The following P2RY1 variants were observed in gnomAD, a reference collection of about 807,000 sequenced individuals.
The protein encoded by P2RY1 is purinergic receptor P2Y1.
In P2RY1, 14 loss-of-function variants were observed where a neutral mutation model predicts 22.8. That is an observed-to-expected ratio of 0.61 (90% CI 0.41 to 0.96). The LOEUF (loss-of-function observed/expected upper bound fraction) is 0.96. P2RY1 is among the 40% of genes least tolerant of loss of function. The pLI is 0.00. For missense variants in P2RY1, 395 were observed against 470.3 expected (o/e 0.84, Z 1.48); for synonymous variants, 200 against 195.1 (o/e 1.03, Z -0.21).
At position 152,836,287 on chromosome 3, in the gene P2RY1, A is replaced by G. The variant is rs1226348649; in HGVS notation, c.505A>G (p.Ile169Val). 6.2e-7 allele frequency: 1 copy of G among 1,614,060 alleles called. No individual in the cohort carries two copies. The highest frequency in any genetic ancestry group is 8.5e-7 in the Non-Finnish European group (1 of 1,180,004). ...SLGRLKKKNAICISVLVWLIV... is the reference protein window; with the variant it reads ...SLGRLKKKNAVCISVLVWLIV... ...GGGCCGGCTCAAAAAGAAGAATGCG[A>G]TCTGTATCAGCGTGCTGGTGTGGCT... is the stretch of plus-strand genomic sequence containing the variant. Residue 169 changes from isoleucine to valine, a missense_variant, in exon 1 of 1, where the codon ATC (isoleucine) becomes GTC (valine). Physicochemically the swap from Ile to Val is conservative, Grantham distance 29. Coordinates refer to ENST00000305097, the MANE Select transcript of P2RY1 (RefSeq NM_002563.5). This position sits in a 1 kb window ranked among gnomAD's most constrained non-coding sequence, Gnocchi z 5.6.
rs995867793 is a variant in P2RY1 at position 152,837,320 on chromosome 3, G to A, written c.*416G>A. Reference sequence around the variant, plus strand: ...ATTGTTTTTTTAAAATCCACAGTAGGAATAAAAAATCTATATTCTCAGAAA... The same window carrying A: ...ATTGTTTTTTTAAAATCCACAGTAGAAATAAAAAATCTATATTCTCAGAAA... On this transcript the variant is annotated 3_prime_UTR_variant, in exon 1 of 1. Coordinates refer to ENST00000305097, the MANE Select transcript of P2RY1 (RefSeq NM_002563.5). 2 of 176,098 alleles carry A rather than the reference G, an allele frequency of 1.1e-5. No individual in the cohort carries two copies. The highest frequency in any genetic ancestry group is 4.8e-5 in the African/African-American group (2 of 41,566). The allele number at this position is 176,098 out of a possible 1,614,324, so 10.9% of individuals were successfully genotyped here. A position where few individuals can be genotyped will look rare whatever the true frequency, so the allele number is the denominator to read the frequency against.
Position 152,837,138 on chromosome 3 carries a change from C to G in P2RY1, c.*234C>G, listed in dbSNP as rs1263975573. The G allele has an allele frequency of 4.2e-6, 2 of 481,696 alleles. No homozygotes were observed. Among genetic ancestry groups the G allele is most frequent in the Non-Finnish European group, 7.5e-6 (2 of 266,810 alleles). The allele number at this position is 481,696 out of a possible 1,614,324, so 29.8% of individuals were successfully genotyped here. ...AGTATGTATAATAAAACAATACTAC[C>G]TAGTTAAACATTTACTTTCTCTTTT... On this transcript the variant is annotated 3_prime_UTR_variant, in exon 1 of 1. Coordinates refer to ENST00000305097, the MANE Select transcript of P2RY1 (RefSeq NM_002563.5).
Position 152,835,946 on chromosome 3 carries a change from C to T in P2RY1, c.164C>T (p.Pro55Leu). ...TKTGFQFYYL[P>L]AVYILVFIIG... Reference sequence around the variant, plus strand: ...ACGGGCTTCCAGTTTTACTACCTGCCGGCTGTCTACATCTTGGTATTCATC... The same window carrying T: ...ACGGGCTTCCAGTTTTACTACCTGCTGGCTGTCTACATCTTGGTATTCATC... Residue 55 changes from proline (P) to leucine (L), a missense_variant, in exon 1 of 1, where the codon CCG (proline) becomes CTG (leucine). By Grantham distance (98) the Pro-to-Leu change is moderately conservative. This residue lies in a region of P2RY1 where 98 missense variants were observed against 87.7 expected (regional missense o/e 1.12). Transcript: ENST00000305097. 1 of 1,614,194 alleles carries T rather than the reference C, an allele frequency of 6.2e-7. No individual in the cohort carries two copies. The highest frequency in any genetic ancestry group is 2.2e-5 in the East Asian group (1 of 44,878).
rs564785614 is a variant in P2RY1 at position 152,836,448 on chromosome 3, C to T, written c.666C>T (p.Thr222=). The T allele has an allele frequency of 4.3e-6, 7 of 1,614,108 alleles. No individual in the cohort carries two copies. In the Admixed American group the frequency reaches 5.0e-5, roughly 12 times the overall value. ...ATTTCATCTACAGCATGTGCACGAC[C>T]GTGGCCATGTTCTGTGTCCCCTTGG... ...RSYFIYSMCT[T]VAMFCVPLVL... Residue 222 remains threonine, a synonymous_variant, in exon 1 of 1, where the codon ACC becomes ACT. Transcript: ENST00000305097. This position sits in a 1 kb window ranked among gnomAD's most constrained non-coding sequence, Gnocchi z 5.6.
In P2RY1 at chr3:152,838,110, T is replaced by G. The variant is rs1488706642; in HGVS notation, c.*1206T>G. On this transcript the variant is annotated 3_prime_UTR_variant, in exon 1 of 1. Coordinates refer to ENST00000305097, the MANE Select transcript of P2RY1 (RefSeq NM_002563.5). The stretch of plus-strand genomic sequence containing the variant: ...TGATAGAATGGGAAGCTATAATCTT[T>G]GAATAAACCTTACATCTCAATATTT... 6.2e-6 allele frequency: 1 copy of G among 161,216 alleles called. No homozygotes were observed. The highest frequency in any genetic ancestry group is 2.4e-5 in the African/African-American group (1 of 41,452). 10.0% of individuals were successfully genotyped at this position (161,216 alleles called of 1,614,324 possible).
In P2RY1 at chr3:152,835,657, G is replaced by T. The variant is rs555812164; in HGVS notation, c.-126G>T. The T allele has an allele frequency of 3.0e-5, 28 of 941,520 alleles. No homozygotes were observed. In the African/African-American group the frequency reaches 3.8e-4, roughly 13 times the overall value. The allele number at this position is 941,520 out of a possible 1,614,324, so 58.3% of individuals were successfully genotyped here. ...CGAGCCCCTGCGCGCCCCCTCCCGC[G>T]GGGATCCAGTTCGCCTGCTCCCTTC... is the stretch of plus-strand genomic sequence containing the variant. On this transcript the variant is annotated 5_prime_UTR_variant, in exon 1 of 1. Transcript: ENST00000305097.
At position 152,839,145 on chromosome 3, in the gene P2RY1, A is replaced by T. The variant is rs1716239903; in HGVS notation, c.*2241A>T. 1 of 152,054 alleles carries T rather than the reference A, an allele frequency of 6.6e-6. No homozygotes were observed. The highest frequency in any genetic ancestry group is 2.4e-5 in the African/African-American group (1 of 41,396). 9.4% of individuals were successfully genotyped at this position (152,054 alleles called of 1,614,324 possible). A position where few individuals can be genotyped will look rare whatever the true frequency, so the allele number is the denominator to read the frequency against. On this transcript the variant is annotated 3_prime_UTR_variant, in exon 1 of 1. Transcript: ENST00000305097. ...TGAGTGTGGATCCAGTGAGGAGGTG[A>T]ACAGTAACTAGAAATGCTTGTTTAC...
Position 152,838,922 on chromosome 3 carries a change from T to C in P2RY1, c.*2018T>C, listed in dbSNP as rs185168732. The C allele has an allele frequency of 9.5e-4, 145 of 152,338 alleles. 1 individual carries two copies. Among genetic ancestry groups the C allele is most frequent in the African/African-American group, 2.7e-3 (111 of 41,584 alleles). The allele number at this position is 152,338 out of a possible 1,614,324, so 9.4% of individuals were successfully genotyped here. A position where few individuals can be genotyped will look rare whatever the true frequency, so the allele number is the denominator to read the frequency against. ...AAATATGTCATTACTTTATTGACCT[T>C]GTTAAACAAGATCAATATCATTAAA... On this transcript the variant is annotated 3_prime_UTR_variant, in exon 1 of 1. Transcript: ENST00000305097.
chr3:152,835,730 C>T lies in P2RY1; in HGVS notation c.-53C>T. ...TTGCTGCGCCCCTGGCCGCCGCTGC[C>T]CTCTCGCCGCCTCCTACCCCTCGGA... On this transcript the variant is annotated 5_prime_UTR_variant, in exon 1 of 1. Transcript: ENST00000305097. The T allele has an allele frequency of 2.7e-6, 4 of 1,497,822 alleles. No individual in the cohort carries two copies. The highest frequency in any genetic ancestry group is 1.3e-5 in the South Asian group (1 of 76,386). 92.8% of individuals were successfully genotyped at this position (1,497,822 alleles called of 1,614,324 possible).
rs914900512 is a variant in P2RY1, at chr3:152,835,619, G to C, written c.-164G>C. The C allele has an allele frequency of 1.5e-6, 1 of 672,666 alleles. No individual in the cohort carries two copies. Among genetic ancestry groups the C allele is most frequent in the Non-Finnish European group, 2.4e-6 (1 of 414,164 alleles). The allele number at this position is 672,666 out of a possible 1,614,324, so 41.7% of individuals were successfully genotyped here. ...ATGGCCCGCGGCGAACGCGGGGCCA[G>C]AGCTGGCGTGGGCGAGCCCCTGCGC... On this transcript the variant is annotated 5_prime_UTR_variant, in exon 1 of 1. Coordinates refer to ENST00000305097, the MANE Select transcript of P2RY1 (RefSeq NM_002563.5).
rs1716225441 is a variant in P2RY1, at chr3:152,838,480, G to A, written c.*1576G>A. The A allele has an allele frequency of 6.6e-6, 1 of 152,196 alleles. No homozygotes were observed. Among genetic ancestry groups the A allele is most frequent in the African/African-American group, 2.4e-5 (1 of 41,454 alleles). 9.4% of individuals were successfully genotyped at this position (152,196 alleles called of 1,614,324 possible). ...TATCCCTCATAAAGTCAACATCAGA[G>A]TTTGCAACTGATGGTGGCATAACTT... is the stretch of plus-strand genomic sequence containing the variant. On this transcript the variant is annotated 3_prime_UTR_variant, in exon 1 of 1. Coordinates refer to ENST00000305097, the MANE Select transcript of P2RY1 (RefSeq NM_002563.5).
At position 152,839,501 on chromosome 3, in the gene P2RY1, T is replaced by C. The variant is rs1266286727; in HGVS notation, c.*2597T>C. 3 of 152,200 alleles carry C rather than the reference T, an allele frequency of 2.0e-5. No individual in the cohort carries two copies. Among genetic ancestry groups the C allele is most frequent in the Non-Finnish European group, 4.4e-5 (3 of 68,024 alleles). 9.4% of individuals were successfully genotyped at this position (152,200 alleles called of 1,614,324 possible). On this transcript the variant is annotated 3_prime_UTR_variant, in exon 1 of 1. Transcript: ENST00000305097. ...ACAAAATTTCACACCACAAAAAATATTTTAATGGCAAATTCAAGGTGTTTT... is the reference window on the plus strand; with the variant it reads ...ACAAAATTTCACACCACAAAAAATACTTTAATGGCAAATTCAAGGTGTTTT...
Position 152,835,975 on chromosome 3 carries a change from G to A in P2RY1, c.193G>A (p.Gly65Ser). ...PAVYILVFIIGFLGNSVAIWM... is the reference protein window; with the variant it reads ...PAVYILVFIISFLGNSVAIWM... ...TGTCTACATCTTGGTATTCATCATC[G>A]GCTTCCTGGGCAACAGCGTGGCCAT... is the stretch of plus-strand genomic sequence containing the variant. The change falls in exon 1 of 1, where the codon GGC (glycine) becomes AGC (serine). Residue 65 changes from glycine (G) to serine (S), a missense_variant. By Grantham distance (56) the Gly-to-Ser change is moderately conservative. Transcript: ENST00000305097. 3 of 1,614,122 alleles carry A rather than the reference G, an allele frequency of 1.9e-6. No individual in the cohort carries two copies. The highest frequency in any genetic ancestry group is 2.2e-5 in the East Asian group (1 of 44,882).
In P2RY1 at chr3:152,835,845, G is replaced by A. The variant is rs1716140748; in HGVS notation, c.63G>A (p.Pro21=). Residue 21 remains proline (P), a synonymous_variant, in exon 1 of 1, where the codon CCG becomes CCA. Coordinates refer to ENST00000305097, the MANE Select transcript of P2RY1 (RefSeq NM_002563.5). ...NGTDAAFLAG[P]GSSWGNSTVA... is the part of the protein sequence containing the mutation. The stretch of plus-strand genomic sequence containing the variant: ...CGGACGCTGCCTTCCTGGCCGGTCC[G>A]GGTTCGTCCTGGGGGAACAGCACGG... The A allele has an allele frequency of 1.9e-6, 3 of 1,612,926 alleles. No homozygotes were observed. In the East Asian group the frequency reaches 6.7e-5, roughly 36 times the overall value.
Position 152,836,959 on chromosome 3 carries a change from G to A in P2RY1, c.*55G>A. On this transcript the variant is annotated 3_prime_UTR_variant, in exon 1 of 1. Coordinates refer to ENST00000305097, the MANE Select transcript of P2RY1 (RefSeq NM_002563.5). The surrounding 1 kb of genome is among the most constrained non-coding windows in gnomAD (Gnocchi z 5.6). ...TTGTAATATGGTAGGATGCTTAACA[G>A]AATCAAGTACTTTTCCCCTCTTTAA... 2 of 1,363,142 alleles carry A rather than the reference G, an allele frequency of 1.5e-6. No homozygotes were observed. The highest frequency in any genetic ancestry group is 2.3e-5 in the East Asian group (1 of 43,194). The allele number at this position is 1,363,142 out of a possible 1,614,324, so 84.4% of individuals were successfully genotyped here. A position where few individuals can be genotyped will look rare whatever the true frequency, so the allele number is the denominator to read the frequency against.
rs1716224193 is a variant in P2RY1 at position 152,838,430 on chromosome 3, C to T, written c.*1526C>T. 6.6e-6 allele frequency: 1 copy of T among 152,134 alleles called. No homozygotes were observed. Among genetic ancestry groups the T allele is most frequent in the Non-Finnish European group, 1.5e-5 (1 of 68,018 alleles). The allele number at this position is 152,134 out of a possible 1,614,324, so 9.4% of individuals were successfully genotyped here. A position where few individuals can be genotyped will look rare whatever the true frequency, so the allele number is the denominator to read the frequency against. ...TGACAATCCCAAACAAATCCAGTGT[C>T]AAAGGAATTTTTAGTTTTGGAAGCT... On this transcript the variant is annotated 3_prime_UTR_variant, in exon 1 of 1. Coordinates refer to ENST00000305097, the MANE Select transcript of P2RY1 (RefSeq NM_002563.5).
chr3:152,836,862 T>C lies in P2RY1; in HGVS notation c.1080T>C (p.Asn360=). 6.2e-7 allele frequency: 1 copy of C among 1,612,986 alleles called. No individual in the cohort carries two copies. Among genetic ancestry groups the C allele is most frequent in the African/African-American group, 1.3e-5 (1 of 75,026 alleles). ...LQSKSEDMTL[N]ILPEFKQNGD... ...CCAAGAGTGAAGACATGACCCTCAA[T>C]ATTTTACCTGAGTTCAAGCAGAATG... The change falls in exon 1 of 1, where the codon AAT becomes AAC. Residue 360 remains asparagine (N), a synonymous_variant. Transcript: ENST00000305097. The surrounding 1 kb of genome is among the most constrained non-coding windows in gnomAD (Gnocchi z 5.6).
chr3:152,836,421 T>A lies in P2RY1; in HGVS notation c.639T>A (p.Ser213Arg). 1 of 1,614,134 alleles carries A rather than the reference T, an allele frequency of 6.2e-7. No homozygotes were observed. Among genetic ancestry groups the A allele is most frequent in the Non-Finnish European group, 8.5e-7 (1 of 1,180,030 alleles). Reference protein sequence around the residue: ...YDTTSDEYLRSYFIYSMCTTV... With the variant: ...YDTTSDEYLRRYFIYSMCTTV... ...CCACCTCAGACGAGTACCTGCGAAG[T>A]TATTTCATCTACAGCATGTGCACGA... The change falls in exon 1 of 1, where the codon AGT (serine) becomes AGA (arginine). Residue 213 changes from serine to arginine, a missense_variant. By Grantham distance (110) the Ser-to-Arg change is moderately radical. Coordinates refer to ENST00000305097, the MANE Select transcript of P2RY1 (RefSeq NM_002563.5). The surrounding 1 kb of genome is among the most constrained non-coding windows in gnomAD (Gnocchi z 5.6).
In P2RY1 at chr3:152,837,683, T is replaced by C. The variant is rs1716204929; in HGVS notation, c.*779T>C. 6.0e-6 allele frequency: 1 copy of C among 167,100 alleles called. No homozygotes were observed. The highest frequency in any genetic ancestry group is 6.5e-5 in the Admixed American group (1 of 15,280). The allele number at this position is 167,100 out of a possible 1,614,324, so 10.4% of individuals were successfully genotyped here. On this transcript the variant is annotated 3_prime_UTR_variant, in exon 1 of 1. Coordinates refer to ENST00000305097, the MANE Select transcript of P2RY1 (RefSeq NM_002563.5). ...AACACCATGAGCTCTCTTAGACATC[T>C]TGTGATAAAGAGCATTTACTTGCCC...
Sources: allele counts gnomAD v4.1 joint callset, GRCh38; gene constraint gnomAD v4.1.1; regional missense constraint gnomAD v4.1.1; non-coding constraint Gnocchi (gnomAD v3.1); transcripts MANE v1.5; gene names NCBI Gene and HGNC (gene_info 2026-07-23, HGNC 2026-07-21).